EPCIP: variants seen among roughly 807,000 people sequenced by gnomAD.
EPCIP encodes the protein exosomal polycystin 1 interacting protein.
chr21:32,793,958 A>G, the EPCIP span: 4 of 1,614,238 alleles, frequency 2.5e-6, no homozygotes, highest in East Asian at 2.2e-5. Context: ...GTGTAACCAC[A>G]TGGGCTTCTC....
At chr21:32,790,859 C>T in the EPCIP span, 1 of 152,128 alleles carries the variant, frequency 6.6e-6, no homozygotes, top group Non-Finnish European at 1.5e-5. Flanking sequence ...TTTGTTTGAC[C>T]CACATGATAT....
chr21:32,796,013 C>T, the EPCIP span, among the ~76,000 whole-genome samples: 6 of 146,846 alleles, frequency 4.1e-5, no homozygotes, highest in Non-Finnish European at 6.0e-5. Context: ...TCTTTCCTTC[C>T]CTCCTTCCCT....
At chr21:32,809,288 CTTTCTTTCTTT>C in the EPCIP span, among the ~76,000 whole-genome samples, 1,229 of 116,746 alleles carry the variant, frequency 0.011, 76 homozygotes, top group East Asian at 0.091. Flanking sequence ...TCCTTTCTTT[CTTTCTTTCTTT>C]CTTTCTTTCT....
the EPCIP span, among the ~76,000 whole-genome samples, chr21:32,802,805 T>G: frequency 6.6e-6 from 1 of 152,092 alleles, no homozygotes; most frequent in African/African-American, 2.4e-5. Context: ...CAGCAAAGCA[T>G]TTGTCTCTCT....
chr21:32,799,126 T>C, the EPCIP span, among the ~76,000 whole-genome samples: 1 of 151,950 alleles, frequency 6.6e-6, no homozygotes, highest in East Asian at 1.9e-4. Flanking sequence ...GGTAGAAGGA[T>C]GGTTCTGCAA....
At chr21:32,794,344 AC>A in the EPCIP span, 1 of 1,614,058 alleles carries the variant, frequency 6.2e-7, no homozygotes, top group African/African-American at 1.3e-5. Flanking sequence ...TGTTCTTCTG[AC>A]CTTTGGTGAA....
At chr21:32,810,628 C>T in the EPCIP span, 3 of 471,588 alleles carry the variant, frequency 6.4e-6, no homozygotes, top group Non-Finnish European at 1.3e-5. Flanking sequence ...GTATGTGCGT[C>T]CACTCTCTTG....
the EPCIP span, chr21:32,799,052 G>T: frequency 2.0e-5 from 3 of 152,180 alleles, no homozygotes; most frequent in African/African-American, 4.8e-5. Flanking sequence ...GGACTCCTGA[G>T]TCGTACACTC....
At chr21:32,803,902 A>G in the EPCIP span, among the ~76,000 whole-genome samples, 1 of 152,030 alleles carries the variant, frequency 6.6e-6, no homozygotes. Flanking sequence ...CTTCCCTTTC[A>G]TTGTGGTTTA....
the EPCIP span, chr21:32,793,810 G>A: frequency 6.2e-7 from 1 of 1,614,186 alleles, no homozygotes; most frequent in Non-Finnish European, 8.5e-7. Flanking sequence ...GCATTGGGAA[G>A]GTTCTAAAGT....
chr21:32,810,549 C>G, the EPCIP span: 1 of 468,244 alleles, frequency 2.1e-6, no homozygotes, highest in African/African-American at 2.0e-5. Flanking sequence ...GCGTGAACCA[C>G]CATGCCCGGC....
chr21:32,806,004 C>T, the EPCIP span, among the ~76,000 whole-genome samples: 11 of 152,124 alleles, frequency 7.2e-5, no homozygotes, highest in Non-Finnish European at 1.0e-4. Context: ...AGAGCGAAGA[C>T]GATATGGGAG....
At chr21:32,795,987 T>TCCTTCCC in the EPCIP span, among the ~76,000 whole-genome samples, 1 of 141,866 alleles carries the variant, frequency 7.0e-6, no homozygotes, top group African/African-American at 2.6e-5. Context: ...CTTCCTTCCC[T>TCCTTCCC]CCTTCCCTCC....
chr21:32,808,049 G>A, the EPCIP span, among the ~76,000 whole-genome samples: 2 of 152,214 alleles, frequency 1.3e-5, no homozygotes, highest in Admixed American at 1.3e-4. Flanking sequence ...GAAAACATGA[G>A]TAGAATTAGT....
At chr21:32,802,905 T>A in the EPCIP span, among the ~76,000 whole-genome samples, 36 of 152,276 alleles carry the variant, frequency 2.4e-4, no homozygotes, top group African/African-American at 8.4e-4. Flanking sequence ...CCTCAGCCTC[T>A]CATCGTTGTC....
the EPCIP span, among the ~76,000 whole-genome samples, chr21:32,791,678 A>G: frequency 1.1e-4 from 16 of 151,972 alleles, no homozygotes; most frequent in Non-Finnish European, 1.8e-4. Context: ...TCCCCCACCA[A>G]TTAAGCAAAT....
chr21:32,812,611 T>C, the EPCIP span, among the ~76,000 whole-genome samples: 1 of 152,148 alleles, frequency 6.6e-6, no homozygotes, highest in African/African-American at 2.4e-5. Context: ...CCAAACATAT[T>C]GCATTATTTA....
the EPCIP span, among the ~76,000 whole-genome samples, chr21:32,811,395 G>A: frequency 6.6e-6 from 1 of 152,152 alleles, no homozygotes; most frequent in Non-Finnish European, 1.5e-5. Context: ...GCCTCTCAAA[G>A]TGCTGGGGTT....
the EPCIP span, chr21:32,794,175 A>G: frequency 1.2e-6 from 2 of 1,614,248 alleles, no homozygotes; most frequent in Non-Finnish European, 1.7e-6. Flanking sequence ...TCCGTGAACC[A>G]GATGGTCAGA....
Sources: gnomAD v4.1 joint callset for allele counts (sites outside exome capture counted in the v4.1 genomes callset) on GRCh38, gnomAD v4.1.1 for gene constraint, MANE v1.5 for transcripts, NCBI Gene and HGNC (gene_info 2026-07-23, HGNC 2026-07-21) for gene names.